The following B3GALT1 variants were observed in gnomAD, a reference collection of about 807,000 sequenced individuals.
B3GALT1 encodes UDP-Gal:betaGlcNAc beta 1,3-galactosyltransferase, polypeptide 1.
Under a neutral mutation model 23.2 loss-of-function variants are expected in B3GALT1, and 10 were observed. The observed-to-expected ratio is 0.43, with a 90% CI of 0.27 to 0.73. The LOEUF (loss-of-function observed/expected upper bound fraction) is 0.73, where lower values mean the gene tolerates loss of function less well. Among genes scored for constraint, B3GALT1 ranks in the 30% least tolerant of loss-of-function variants. B3GALT1 has a pLI of 0.21. For missense variants in B3GALT1, 299 were observed against 405.4 expected (o/e 0.74, Z 2.25); for synonymous variants, 156 against 141.5 (o/e 1.10, Z -0.73).
chr2:167,326,491 A>G (rs1278540161), intron 1 of B3GALT1, among the ~76,000 whole-genome samples: 1 of 152,004 alleles, frequency 6.6e-6, no homozygotes, highest in Non-Finnish European at 1.5e-5. Flanking sequence ...GAGATCTTAA[A>G]GATAAAATCC....
intron 3 of B3GALT1, among the ~76,000 whole-genome samples, chr2:167,666,315 C>G (rs899116645): frequency 1.2e-4 from 18 of 152,250 alleles, no homozygotes; most frequent in African/African-American, 3.4e-4. Context: ...GTCTGAAAGA[C>G]AGTTTGTTAT....
intron 1 of B3GALT1, among the ~76,000 whole-genome samples, chr2:167,315,185 T>A (rs1202140274): frequency 1.3e-5 from 2 of 152,148 alleles, no homozygotes; most frequent in African/African-American, 4.8e-5. Flanking sequence ...TAAACTGTTT[T>A]TTTGCTCCAC....
chr2:167,646,589 G>A (rs1450403149), intron 2 of B3GALT1, among the ~76,000 whole-genome samples: 2 of 152,166 alleles, frequency 1.3e-5, no homozygotes, highest in African/African-American at 2.4e-5. Flanking sequence ...AGTCACAGCA[G>A]TGGAAAATCA....
chr2:167,775,309 G>A (rs138458627), intron 3 of B3GALT1, among the ~76,000 whole-genome samples: 4 of 152,244 alleles, frequency 2.6e-5, no homozygotes, highest in East Asian at 1.9e-4. Context: ...GGTATCTCAC[G>A]CCTGTAATCC....
rs1686713673 is a variant in B3GALT1 at position 167,691,618 on chromosome 2, G to C, written c.-352+44652G>C. Among the ~76,000 whole-genome samples the C allele has an allele frequency of 2.0e-5, 3 of 152,114 alleles. No homozygotes were observed. In the South Asian group the frequency reaches 6.2e-4, roughly 31 times the overall value. On this transcript the variant is annotated intron_variant, in intron 3 of 4. Coordinates refer to ENST00000392690, the MANE Select transcript of B3GALT1 (RefSeq NM_020981.4). ...GTTTTTGTCTGCTTTGTTCTCTGCT[G>C]TATCACCAGCACTTGCATTTTGTTG...
intron 3 of B3GALT1, among the ~76,000 whole-genome samples, chr2:167,728,433 T>A (rs139033772): frequency 6.6e-6 from 1 of 152,278 alleles, no homozygotes; most frequent in Admixed American, 6.5e-5. Context: ...TTAAGACAGA[T>A]TGACAAATAA....
In B3GALT1 at chr2:167,365,585, T is replaced by TACACACACACAC. The variant is rs10683932; in HGVS notation, c.-511+72280_-511+72291dup. Among the ~76,000 whole-genome samples the TACACACACACAC allele has an allele frequency of 1.9e-4, 27 of 140,474 alleles. 1 individual carries two copies. The highest frequency in any genetic ancestry group is 1.3e-3 in the East Asian group (6 of 4,762). 92.2% of individuals were successfully genotyped at this position (140,474 alleles called of 152,430 possible). On this transcript the variant is annotated intron_variant, in intron 1 of 4. Transcript: ENST00000392690. The stretch of plus-strand genomic sequence containing the variant: ...TGCATATTCATAATAGAGATACAAA[T>TACACACACACAC]ACACACACACACACACACACACACA...
At chr2:167,621,491 CT>C (rs946335815) in intron 2 of B3GALT1, among the ~76,000 whole-genome samples, 5 of 152,018 alleles carry the variant, frequency 3.3e-5, no homozygotes, top group African/African-American at 1.2e-4. Context: ...AATCATAAGA[CT>C]TTTTTTCACT....
chr2:167,401,324 A>G (rs1698185499), intron 1 of B3GALT1, among the ~76,000 whole-genome samples: 1 of 152,128 alleles, frequency 6.6e-6, no homozygotes, highest in Non-Finnish European at 1.5e-5. Context: ...AAGCAAGAGA[A>G]TGATAGTCTT....
At chr2:167,799,098 T>A in intron 3 of B3GALT1, among the ~76,000 whole-genome samples, 1 of 152,202 alleles carries the variant, frequency 6.6e-6, no homozygotes, top group East Asian at 1.9e-4. Flanking sequence ...ACCCTCTTAT[T>A]TATGTTGCCA....
intron 1 of B3GALT1, among the ~76,000 whole-genome samples, chr2:167,481,682 T>C (rs1699564897): frequency 6.6e-6 from 1 of 152,236 alleles, no homozygotes; most frequent in South Asian, 2.1e-4. Context: ...AATTCCTCTC[T>C]GACCAAATGA....
intron 3 of B3GALT1, among the ~76,000 whole-genome samples, chr2:167,756,602 ATGCATTGCTTTACT>A (rs1446949161): frequency 6.6e-5 from 10 of 152,314 alleles, no homozygotes; most frequent in Non-Finnish European, 1.3e-4. Flanking sequence ...AATTTGAAAT[ATGCATTGCTTTACT>A]TGCGGACCAA....
intron 2 of B3GALT1, among the ~76,000 whole-genome samples, chr2:167,590,719 C>T (rs964045972): frequency 6.6e-6 from 1 of 152,080 alleles, no homozygotes; most frequent in African/African-American, 2.4e-5. Context: ...ATCCATGTTT[C>T]CCAAATGACT....
intron 3 of B3GALT1, among the ~76,000 whole-genome samples, chr2:167,668,178 C>T (rs896920323): frequency 6.6e-6 from 1 of 151,546 alleles, no homozygotes; most frequent in African/African-American, 2.4e-5. Flanking sequence ...ACAGCAGGAC[C>T]CTCAGCTGCA....
chr2:167,686,257 C>T (rs905455228), intron 3 of B3GALT1, among the ~76,000 whole-genome samples: 2 of 152,204 alleles, frequency 1.3e-5, no homozygotes, highest in African/African-American at 4.8e-5. Context: ...CATTCCCACA[C>T]ATTTACCCAC....
chr2:167,715,787 A>G, intron 3 of B3GALT1: 2 of 1,613,448 alleles, frequency 1.2e-6, no homozygotes, highest in Non-Finnish European at 1.7e-6. Context: ...AAATTTTTCA[A>G]GTAGTTTACA....
chr2:167,444,338 T>G (rs1404284380), intron 1 of B3GALT1, among the ~76,000 whole-genome samples: 5 of 152,198 alleles, frequency 3.3e-5, no homozygotes, highest in Non-Finnish European at 7.3e-5. Flanking sequence ...CTTTTTTTGT[T>G]TTGTCTCCGC....
At chr2:167,585,647 A>G (rs532282743) in intron 2 of B3GALT1, among the ~76,000 whole-genome samples, 99 of 152,288 alleles carry the variant, frequency 6.5e-4, no homozygotes, top group African/African-American at 2.2e-3. Context: ...CTTAACATCT[A>G]TTTTTTACGA....
intron 1 of B3GALT1, among the ~76,000 whole-genome samples, chr2:167,376,480 T>C (rs935239525): frequency 8.5e-5 from 13 of 152,172 alleles, no homozygotes; most frequent in Non-Finnish European, 1.8e-4. Flanking sequence ...CAGGGCTTTC[T>C]TGGGTTGGTA....
Sources: allele counts gnomAD v4.1 joint callset (sites outside exome capture counted in the v4.1 genomes callset), GRCh38; gene constraint gnomAD v4.1.1; transcripts MANE v1.5; gene names NCBI Gene and HGNC (gene_info 2026-07-23, HGNC 2026-07-21).